The following FHIT variants were observed in gnomAD, a reference collection of about 807,000 sequenced individuals.
FHIT encodes bis(5'-adenosyl)-triphosphatase.
Under a neutral mutation model 17.9 loss-of-function variants are expected in FHIT, and 19 were observed. That is an observed-to-expected ratio of 1.06 (90% CI 0.74 to 1.56). The LOEUF is 1.56. FHIT is among the 40% of genes most tolerant of loss of function. The pLI, the probability that FHIT is intolerant of heterozygous loss-of-function variation, is 0.00. For missense variants in FHIT, 248 were observed against 189.2 expected, an observed-to-expected ratio of 1.31 and a Z score of -1.82; for synonymous variants, 81 against 69.7, an observed-to-expected ratio of 1.16 and a Z score of -0.81.
At position 60,399,344 on chromosome 3, in the gene FHIT, A is replaced by G. The variant is rs138897993; in HGVS notation, c.103+137516T>C. On this transcript the variant is annotated intron_variant, in intron 5 of 9. Coordinates refer to ENST00000492590, the MANE Select transcript of FHIT (RefSeq NM_002012.4). ...GATAGAAGAAGTAGTATCTTCTCAC[A>G]GTGTGTGAAGACTCATTCTCCCAAA... is the stretch of plus-strand genomic sequence containing the variant. 3.6e-3 allele frequency among the ~76,000 whole-genome samples: 543 copies of G among 152,258 alleles called. 3 individuals are homozygous for G. Among genetic ancestry groups the G allele is most frequent in the African/African-American group, 0.012 (506 of 41,560 alleles).
chr3:60,056,248 TAGA>T (rs369857837), intron 5 of FHIT, among the ~76,000 whole-genome samples: 211 of 152,336 alleles, frequency 1.4e-3, no homozygotes, highest in Admixed American at 4.0e-3. Context: ...ATGGATTCTG[TAGA>T]AGATTTCTCC....
intron 4 of FHIT, among the ~76,000 whole-genome samples, chr3:60,760,743 GA>G (rs1553719606): frequency 6.6e-6 from 1 of 152,042 alleles, no homozygotes; most frequent in Non-Finnish European, 1.5e-5. Flanking sequence ...AAATTATGAA[GA>G]AATTCCAAAT....
At chr3:60,668,582 G>A (rs529656947) in intron 4 of FHIT, among the ~76,000 whole-genome samples, 108 of 116,954 alleles carry the variant, frequency 9.2e-4, no homozygotes, top group Non-Finnish European at 1.6e-3. Context: ...TTTTTTTTGA[G>A]ACGGAATCTC....
intron 4 of FHIT, among the ~76,000 whole-genome samples, chr3:60,764,370 G>A (rs1361218392): frequency 1.3e-5 from 2 of 152,080 alleles, no homozygotes; most frequent in African/African-American, 4.8e-5. Context: ...AAAGCCCAAA[G>A]GATCAATTTC....
chr3:59,777,787 C>T (rs182810957), intron 8 of FHIT, among the ~76,000 whole-genome samples: 54 of 152,220 alleles, frequency 3.5e-4, no homozygotes, highest in Admixed American at 2.4e-3. Context: ...ACCAATGCTC[C>T]GGGCACACTG....
chr3:60,204,082 T>C (rs191646408), intron 5 of FHIT, among the ~76,000 whole-genome samples: 10 of 152,230 alleles, frequency 6.6e-5, no homozygotes, highest in South Asian at 2.1e-4. Flanking sequence ...AAGAGTATAA[T>C]TGGATTGCTT....
At chr3:60,630,815 T>C (rs1334182540) in intron 4 of FHIT, among the ~76,000 whole-genome samples, 1 of 151,934 alleles carries the variant, frequency 6.6e-6, no homozygotes. Context: ...AGTAATTAAA[T>C]CACTGGTTAA....
At chr3:60,911,020 C>G (rs907499600) in intron 3 of FHIT, among the ~76,000 whole-genome samples, 10 of 152,142 alleles carry the variant, frequency 6.6e-5, no homozygotes, top group Non-Finnish European at 1.3e-4. Flanking sequence ...TGGCTCGTAA[C>G]TTGCTGGCAG....
At chr3:60,238,233 T>C (rs1704915898) in intron 5 of FHIT, among the ~76,000 whole-genome samples, 1 of 151,732 alleles carries the variant, frequency 6.6e-6, no homozygotes, top group Admixed American at 6.6e-5. Context: ...TTCCTCAGGT[T>C]TTTTCCAGAA....
At chr3:60,392,461 C>T (rs1701270627) in intron 5 of FHIT, among the ~76,000 whole-genome samples, 2 of 152,140 alleles carry the variant, frequency 1.3e-5, no homozygotes, top group African/African-American at 4.8e-5. Context: ...AAAAAATTCA[C>T]CTTGTTCATG....
chr3:60,638,797 A>C (rs2039653804), intron 4 of FHIT, among the ~76,000 whole-genome samples: 1 of 151,978 alleles, frequency 6.6e-6, no homozygotes, highest in South Asian at 2.1e-4. Context: ...TGCAAATCAG[A>C]AATCAAATGT....
chr3:60,458,382 G>A (rs1231904714), intron 5 of FHIT, among the ~76,000 whole-genome samples: 1 of 148,174 alleles, frequency 6.7e-6, no homozygotes, highest in Non-Finnish European at 1.5e-5. Context: ...ATTGAACTAT[G>A]AGAACACATT....
At position 60,240,984 on chromosome 3, in the gene FHIT, T is replaced by TA. The variant is rs944175074; in HGVS notation, c.104-226833dup. Among the ~76,000 whole-genome samples the TA allele has an allele frequency of 4.2e-4, 64 of 151,958 alleles. 1 individual carries two copies. Among genetic ancestry groups the TA allele is most frequent in the African/African-American group, 8.4e-4 (35 of 41,462 alleles). On this transcript the variant is annotated intron_variant, in intron 5 of 9. Transcript: ENST00000492590. ...TATTTCAGAACTTAATGGGACCTGT[T>TA]AAAAAAAACAGATTTGTAAGAATTT... is the stretch of plus-strand genomic sequence containing the variant.
intron 5 of FHIT, among the ~76,000 whole-genome samples, chr3:60,090,284 C>A (rs927958355): frequency 6.6e-6 from 1 of 152,178 alleles, no homozygotes; most frequent in South Asian, 2.1e-4. Context: ...TTGTTTCCTG[C>A]AAAACTGTCA....
rs150517421 is a variant in FHIT, at chr3:60,153,502, G to C, written c.104-139350C>G. Among the ~76,000 whole-genome samples the C allele has an allele frequency of 5.2e-4, 79 of 152,086 alleles. 1 individual carries two copies. Among genetic ancestry groups the C allele is most frequent in the African/African-American group, 1.8e-3 (76 of 41,498 alleles). ...AAAATTCTATTTTGAGGTTTATCAT[G>C]AATATTGGTTTCTACAAAATTCTTC... On this transcript the variant is annotated intron_variant, in intron 5 of 9. Transcript: ENST00000492590.
At chr3:59,847,964 T>G (rs1272515783) in intron 8 of FHIT, among the ~76,000 whole-genome samples, 1 of 152,166 alleles carries the variant, frequency 6.6e-6, no homozygotes, top group Non-Finnish European at 1.5e-5. Flanking sequence ...AAAAAAGGCA[T>G]CAGCCCTTTA....
intron 4 of FHIT, among the ~76,000 whole-genome samples, chr3:60,620,609 G>C (rs1055682255): frequency 2.6e-5 from 4 of 151,690 alleles, no homozygotes; most frequent in African/African-American, 9.7e-5. Flanking sequence ...ACTATGAAGA[G>C]AATACAAAGA....
At chr3:60,650,138 G>T (rs1003898635) in intron 4 of FHIT, among the ~76,000 whole-genome samples, 1 of 152,060 alleles carries the variant, frequency 6.6e-6, no homozygotes, top group African/African-American at 2.4e-5. Context: ...TTGGGCTTGT[G>T]GTACCTCTGT....
chr3:60,894,346 C>T (rs921940003), intron 3 of FHIT, among the ~76,000 whole-genome samples: 6 of 152,204 alleles, frequency 3.9e-5, no homozygotes, highest in African/African-American at 9.7e-5. Context: ...CCCAGAGTCA[C>T]CCCGTCCTTT....
Sources: allele counts gnomAD v4.1 joint callset (sites outside exome capture counted in the v4.1 genomes callset), GRCh38; gene constraint gnomAD v4.1.1; transcripts MANE v1.5; gene names NCBI Gene and HGNC (gene_info 2026-07-23, HGNC 2026-07-21).